HDAC9: variants seen among roughly 807,000 people sequenced by gnomAD.
HDAC9 encodes the protein histone deacetylase 9, also known as MEF-2 interacting transcription repressor (MITR) protein.
A neutral mutation model predicts 139.4 loss-of-function variants in HDAC9; 41 were observed. The ratio of observed to expected loss-of-function variants is 0.29; its 90% CI spans 0.23 to 0.38. The LOEUF is 0.38. Ranked by LOEUF, HDAC9 falls within the 10% of genes least tolerant of loss-of-function variation. The pLI is 1.00. For missense variants in HDAC9, 1,147 were observed against 1,297.0 expected, an observed-to-expected ratio of 0.88 and a Z score of 1.78; for synonymous variants, 517 against 476.2, an observed-to-expected ratio of 1.09 and a Z score of -1.12.
intron 21 of HDAC9, among the ~76,000 whole-genome samples, chr7:18,856,488 A>T (rs1250543963): frequency 3.9e-5 from 6 of 152,142 alleles, no homozygotes; most frequent in African/African-American, 1.4e-4. Flanking sequence ...TGTTAATATT[A>T]TTGATTTTAT....
chr7:18,881,093 A>G (rs963257133), intron 22 of HDAC9, among the ~76,000 whole-genome samples: 1 of 152,056 alleles, frequency 6.6e-6, no homozygotes, highest in African/African-American at 2.4e-5. Flanking sequence ...AAGACTCTAA[A>G]AACTTGAGTA....
chr7:18,340,946 G>A (rs1249389358), intron 1 of HDAC9, among the ~76,000 whole-genome samples: 1 of 151,008 alleles, frequency 6.6e-6, no homozygotes, highest in Non-Finnish European at 1.5e-5. Context: ...GTTTGAAGAA[G>A]TCTTTTCCAT....
intron 17 of HDAC9, among the ~76,000 whole-genome samples, chr7:18,802,999 C>T (rs553736780): frequency 6.6e-6 from 1 of 151,888 alleles, no homozygotes; most frequent in South Asian, 2.1e-4. Flanking sequence ...TATACTGAAA[C>T]ATATCTCTAT....
intron 22 of HDAC9, among the ~76,000 whole-genome samples, chr7:18,875,017 T>C (rs1475095374): frequency 6.6e-6 from 1 of 152,146 alleles, no homozygotes; most frequent in African/African-American, 2.4e-5. Context: ...CACTTCCAAG[T>C]TTGAAAACAA....
chr7:18,393,971 A>G (rs190698068), intron 1 of HDAC9, among the ~76,000 whole-genome samples: 1 of 152,156 alleles, frequency 6.6e-6, no homozygotes, highest in Middle Eastern at 3.2e-3. Flanking sequence ...GTGAAGTTCA[A>G]ATTATCCCTT....
chr7:18,234,200 G>T (rs1793664691), intron 2 of HDAC9, among the ~76,000 whole-genome samples: 1 of 152,222 alleles, frequency 6.6e-6, no homozygotes, highest in African/African-American at 2.4e-5. Context: ...TTAAGCCTGT[G>T]CTGGGAAAAG....
At position 18,369,905 on chromosome 7, in the gene HDAC9, T is replaced by G. The variant is rs578165516; in HGVS notation, c.-42+79390T>G. On this transcript the variant is annotated intron_variant, in intron 1 of 3. Coordinates refer to the HDAC9 transcript ENST00000413509. ...AGAGAATCTTTAAATTATTCCAGTGTAGGAAAAAATTGTAAGGTCAACTTT... is the reference window on the plus strand; with the variant it reads ...AGAGAATCTTTAAATTATTCCAGTGGAGGAAAAAATTGTAAGGTCAACTTT... Among the ~76,000 whole-genome samples, 391 of 152,270 alleles carry G rather than the reference T, an allele frequency of 2.6e-3. 1 individual carries two copies. Among genetic ancestry groups the G allele is most frequent in the Non-Finnish European group, 4.1e-3 (282 of 68,008 alleles).
chr7:18,281,628 A>G (rs1344048223), intron 2 of HDAC9, among the ~76,000 whole-genome samples: 2 of 152,188 alleles, frequency 1.3e-5, no homozygotes, highest in Non-Finnish European at 2.9e-5. Context: ...CTTCTATTGA[A>G]CCGTATTCTA....
At chr7:18,274,817 T>A (rs977289004) in intron 2 of HDAC9, among the ~76,000 whole-genome samples, 1 of 152,242 alleles carries the variant, frequency 6.6e-6, no homozygotes, top group Non-Finnish European at 1.5e-5. Flanking sequence ...AACACTGCTA[T>A]ATATTCTTTA....
At chr7:18,763,504 G>A (rs28565563) in intron 15 of HDAC9, among the ~76,000 whole-genome samples, 13,630 of 152,118 alleles carry the variant, frequency 0.09, 1,901 homozygotes, top group African/African-American at 0.3. Context: ...AATTAACATT[G>A]TATATTAATA....
At chr7:18,888,995 C>G (rs1428817784) in intron 22 of HDAC9, among the ~76,000 whole-genome samples, 1 of 152,018 alleles carries the variant, frequency 6.6e-6, no homozygotes, top group Non-Finnish European at 1.5e-5. Flanking sequence ...ATTATTTTAC[C>G]AAACAATTGA....
intron 2 of HDAC9, among the ~76,000 whole-genome samples, chr7:18,268,488 CA>C (rs1209506992): frequency 6.4e-5 from 8 of 125,976 alleles, no homozygotes; most frequent in African/African-American, 2.0e-4. Context: ...TTGCAAGAAC[CA>C]AATTAAAAAA....
chr7:18,990,286 G>T (rs996897334), intron 25 of HDAC9, among the ~76,000 whole-genome samples: 4 of 152,176 alleles, frequency 2.6e-5, no homozygotes, highest in Non-Finnish European at 4.4e-5. Context: ...CTCAGCTGCA[G>T]GTCTGTTGGA....
At chr7:18,218,377 G>A (rs1403486644) in intron 2 of HDAC9, among the ~76,000 whole-genome samples, 3 of 152,114 alleles carry the variant, frequency 2.0e-5, no homozygotes, top group Non-Finnish European at 2.9e-5. Context: ...CTGGGAGATG[G>A]AGATTGTAGT....
chr7:18,549,864 T>C (rs1816523811), intron 2 of HDAC9, among the ~76,000 whole-genome samples: 1 of 152,048 alleles, frequency 6.6e-6, no homozygotes, highest in Non-Finnish European at 1.5e-5. Context: ...GCATTTCATT[T>C]ATTCTTTCCA....
At chr7:18,249,827 C>T (rs140670612) in intron 2 of HDAC9, among the ~76,000 whole-genome samples, 1 of 152,222 alleles carries the variant, frequency 6.6e-6, no homozygotes, top group African/African-American at 2.4e-5. Flanking sequence ...TTATACTCCC[C>T]TGCAGGTGGA....
intron 12 of HDAC9, among the ~76,000 whole-genome samples, chr7:18,720,877 C>G (rs1785096442): frequency 6.6e-6 from 1 of 151,928 alleles, no homozygotes; most frequent in African/African-American, 2.4e-5. Context: ...GATAGGGTCT[C>G]CCTATTTTGC....
chr7:18,180,904 T>A (rs1789368712), intron 2 of HDAC9, among the ~76,000 whole-genome samples: 1 of 152,216 alleles, frequency 6.6e-6, no homozygotes, highest in Admixed American at 6.5e-5. Flanking sequence ...TCTTCTAGCA[T>A]CTGGTGGCTG....
At chr7:18,276,434 TCA>T (rs1322040275) in intron 2 of HDAC9, among the ~76,000 whole-genome samples, 1 of 152,212 alleles carries the variant, frequency 6.6e-6, no homozygotes, top group African/African-American at 2.4e-5. Context: ...CCTAATGCAT[TCA>T]GTTTGTGTCA....
Sources: gnomAD v4.1 joint callset for allele counts (sites outside exome capture counted in the v4.1 genomes callset) on GRCh38, gnomAD v4.1.1 for gene constraint, MANE v1.5 for transcripts, NCBI Gene and HGNC (gene_info 2026-07-23, HGNC 2026-07-21) for gene names.